Variants in HIVEP2 observed in about 807,000 individuals in gnomAD.
The protein encoded by HIVEP2 is HIVEP zinc finger 2.
In HIVEP2, 14 loss-of-function variants were observed where a neutral mutation model predicts 180.7. The ratio of observed to expected loss-of-function variants is 0.08; its 90% CI spans 0.05 to 0.12. The LOEUF is 0.12. HIVEP2 is among the 10% of genes least tolerant of loss of function. The probability of loss-of-function intolerance (pLI) is 1.00; values close to 1 mark genes in which losing one functional copy is unlikely to be tolerated. For synonymous variants in HIVEP2, 1,184 were observed against 1,136.4 expected (o/e 1.04, Z -0.84); for missense variants, 2,579 against 3,008.5 (o/e 0.86, Z 3.34).
intron 9 of HIVEP2, 100 bp downstream of exon 9, chr6:142,759,672 G>C: frequency 1.1e-6 from 1 of 922,090 alleles, no homozygotes; most frequent in East Asian, 2.4e-5. Context: ...CTCCACCCAT[G>C]ACAGATACCC....
At chr6:142,858,874 G>A (rs897240203) in intron 1 of HIVEP2, among the ~76,000 whole-genome samples, 1 of 152,120 alleles carries the variant, frequency 6.6e-6, no homozygotes, top group East Asian at 1.9e-4. Context: ...GATTACAGGT[G>A]TGAGCCACCC....
rs1166146010 is a variant in HIVEP2 at position 142,759,906 on chromosome 6, C to G, written c.6382G>C (p.Asp2128His). ...CTTCTCTCTCTTCTAGGAGAGAGGT[C>G]TCTTCTTGCTGTGATATCTTTCCCA... is the stretch of plus-strand genomic sequence containing the variant. ...SPGKDITARR[D>H]LSPRRERRYM... The change falls in exon 9 of 10, where the codon GAC (aspartate) becomes CAC (histidine). Residue 2128 changes from aspartate to histidine, a missense_variant. By Grantham distance (81) the Asp-to-His change is moderately conservative. Transcript: ENST00000367603. The G allele has an allele frequency of 6.8e-6, 11 of 1,613,982 alleles. No individual in the cohort carries two copies. The highest frequency in any genetic ancestry group is 9.3e-6 in the Non-Finnish European group (11 of 1,180,016).
intron 1 of HIVEP2, among the ~76,000 whole-genome samples, chr6:142,902,305 C>G (rs1176491888): frequency 6.7e-6 from 1 of 148,496 alleles, no homozygotes; most frequent in African/African-American, 2.6e-5. Context: ...GGGAACCTCG[C>G]CTGGTGGTAT....
chr6:142,860,953 T>C (rs1476722475), intron 1 of HIVEP2, among the ~76,000 whole-genome samples: 2 of 152,178 alleles, frequency 1.3e-5, no homozygotes, highest in Non-Finnish European at 2.9e-5. Context: ...TATTTAATGT[T>C]GGAAAAACTA....
intron 1 of HIVEP2, among the ~76,000 whole-genome samples, chr6:142,865,820 T>C (rs1191006465): frequency 6.6e-6 from 1 of 151,960 alleles, no homozygotes; most frequent in Non-Finnish European, 1.5e-5. Context: ...TTGGGACGAG[T>C]TATGAACAAC....
intron 9 of HIVEP2, 99 bp downstream of exon 9, chr6:142,759,673 A>G: frequency 1.1e-6 from 1 of 924,212 alleles, no homozygotes; most frequent in Non-Finnish European, 1.7e-6. Context: ...TCCACCCATG[A>G]CAGATACCCA....
At chr6:142,871,045 C>A (rs1776279818) in intron 1 of HIVEP2, among the ~76,000 whole-genome samples, 1 of 152,176 alleles carries the variant, frequency 6.6e-6, no homozygotes, top group Admixed American at 6.5e-5. Context: ...GTGAAACCGA[C>A]ATTTTGCCTA....
At chr6:142,779,907 G>T (rs1775804313) in intron 3 of HIVEP2, among the ~76,000 whole-genome samples, 1 of 152,022 alleles carries the variant, frequency 6.6e-6, no homozygotes, top group African/African-American at 2.4e-5. Flanking sequence ...TTGAAAAAAA[G>T]TGACTTACAC....
At chr6:142,845,415 T>TCTCTCTTC (rs1775483548) in intron 1 of HIVEP2, among the ~76,000 whole-genome samples, 2 of 152,296 alleles carry the variant, frequency 1.3e-5, no homozygotes, top group Admixed American at 6.5e-5. Flanking sequence ...TCTCTCTCTT[T>TCTCTCTTC]CTCTCTTCAA....
At chr6:142,829,306 T>G (rs1175214533) in intron 2 of HIVEP2, among the ~76,000 whole-genome samples, 1 of 152,146 alleles carries the variant, frequency 6.6e-6, no homozygotes, top group Non-Finnish European at 1.5e-5. Context: ...ATATGACTTT[T>G]CCTTCCATAA....
chr6:142,773,707 A>G lies in HIVEP2; in HGVS notation c.1032T>C (p.Tyr344=), dbSNP rs1362736658. The stretch of plus-strand genomic sequence containing the variant: ...GATTTGGTAGCATATCAGGGCCAAT[A>G]TACTGAGAGCTTTCATTAGGGAGAG... ...GIPLPNESSQ[Y]IGPDMLPNPS... The change falls in exon 5 of 10, where the codon TAT becomes TAC. Residue 344 remains tyrosine, a synonymous_variant. Transcript: ENST00000367603. 3.1e-6 allele frequency: 5 copies of G among 1,614,146 alleles called. No individual in the cohort carries two copies. The highest frequency in any genetic ancestry group is 1.7e-5 in the Admixed American group (1 of 60,024).
Position 142,770,063 on chromosome 6 carries a change from G to A in HIVEP2, c.4676C>T (p.Pro1559Leu), listed in dbSNP as rs958702503. The change falls in exon 5 of 10, where the codon CCT becomes CTT. Residue 1559 changes from proline to leucine, a missense_variant. Physicochemically the swap from Pro to Leu is moderately conservative, Grantham distance 98 (BLOSUM62 -3). This residue lies in a region of HIVEP2 where 349 missense variants were observed against 367.2 expected (regional missense o/e 0.95). Coordinates refer to ENST00000367603, the MANE Select transcript of HIVEP2 (RefSeq NM_006734.4). This position sits in a 1 kb window ranked among gnomAD's most constrained non-coding sequence, Gnocchi z 4.7. The part of the protein sequence containing the change: ...APLPGQKSSG[P>L]SESKESSDEL... ...ATCTGAAGATTCTTTGCTTTCAGAA[G>A]GCCCACTGGACTTCTGCCCCGGAAG... 2.5e-6 allele frequency: 4 copies of A among 1,614,174 alleles called. No homozygotes were observed. Among genetic ancestry groups the A allele is most frequent in the Non-Finnish European group, 2.5e-6 (3 of 1,180,028 alleles).
intron 2 of HIVEP2, among the ~76,000 whole-genome samples, chr6:142,806,606 T>C (rs1399751522): frequency 6.6e-6 from 1 of 152,188 alleles, no homozygotes; most frequent in Admixed American, 6.5e-5. Context: ...ATGGAAAATT[T>C]ACCATATTCA....
chr6:142,762,941 C>T (rs1775286915), intron 7 of HIVEP2, among the ~76,000 whole-genome samples: 2 of 152,052 alleles, frequency 1.3e-5, no homozygotes, highest in Admixed American at 6.5e-5. Context: ...ATAGACATAT[C>T]AAGAATGCTT....
At chr6:142,875,136 C>T (rs182034608) in intron 1 of HIVEP2, among the ~76,000 whole-genome samples, 174 of 152,270 alleles carry the variant, frequency 1.1e-3, no homozygotes, top group East Asian at 5.8e-4. Context: ...ACTGCTCAAA[C>T]TTGGGTCACA....
intron 1 of HIVEP2, among the ~76,000 whole-genome samples, chr6:142,905,931 C>A (rs1226743472): frequency 1.3e-5 from 2 of 152,076 alleles, no homozygotes; most frequent in Non-Finnish European, 2.9e-5. Flanking sequence ...GTCAGGAGTT[C>A]GAGACCAACC....
intron 2 of HIVEP2, among the ~76,000 whole-genome samples, chr6:142,796,475 T>C (rs541330331): frequency 3.3e-5 from 5 of 152,296 alleles, no homozygotes; most frequent in African/African-American, 1.2e-4. Flanking sequence ...AGAAAAAATG[T>C]TATTAAGAAA....
At chr6:142,762,171 T>C (rs1775260385) in intron 7 of HIVEP2, among the ~76,000 whole-genome samples, 1 of 152,198 alleles carries the variant, frequency 6.6e-6, no homozygotes, top group South Asian at 2.1e-4. Flanking sequence ...GTATTTAGCA[T>C]CTATCTGTCT....
At chr6:142,854,022 T>C (rs1384037019) in intron 1 of HIVEP2, among the ~76,000 whole-genome samples, 10 of 152,332 alleles carry the variant, frequency 6.6e-5, no homozygotes, top group Non-Finnish European at 1.3e-4. Context: ...GAATATTCAC[T>C]GTTTAGTCAC....
Sources: gnomAD v4.1 joint callset for allele counts (sites outside exome capture counted in the v4.1 genomes callset) on GRCh38, gnomAD v4.1.1 for gene constraint, gnomAD v4.1.1 regional missense constraint, Gnocchi (gnomAD v3.1) non-coding constraint, MANE v1.5 for transcripts, NCBI Gene and HGNC (gene_info 2026-07-23, HGNC 2026-07-21) for gene names.